The following NOX4 variants were observed in gnomAD, a reference collection of about 807,000 sequenced individuals.
NOX4 encodes NADPH oxidase 4, also known as kidney oxidase-1.
A neutral mutation model predicts 87.6 loss-of-function variants in NOX4; 69 were observed. The ratio of observed to expected loss-of-function variants is 0.79; its 90% confidence interval spans 0.65 to 0.96. The LOEUF is 0.96. Ranked by LOEUF, NOX4 falls within the 40% of genes least tolerant of loss-of-function variation. NOX4 has a pLI of 0.00. For missense variants in NOX4, 680 were observed against 681.5 expected, an observed-to-expected ratio of 1.00 and a Z score of 0.02; for synonymous variants, 275 against 238.2, an observed-to-expected ratio of 1.15 and a Z score of -1.42.
At chr11:89,467,144 C>T (rs1016471408) in intron 2 of NOX4, among the ~76,000 whole-genome samples, 8 of 151,600 alleles carry the variant, frequency 5.3e-5, no homozygotes, top group Admixed American at 2.6e-4. Context: ...ATCAGGAGAT[C>T]GAGACCATGC....
intron 8 of NOX4, among the ~76,000 whole-genome samples, chr11:89,405,971 C>T (rs1942157005): frequency 6.6e-6 from 1 of 152,034 alleles, no homozygotes; most frequent in South Asian, 2.1e-4. Flanking sequence ...CCAATGTATA[C>T]ATTGAGCAAA....
chr11:89,343,826 T>G (rs1446897593), intron 13 of NOX4, among the ~76,000 whole-genome samples: 1 of 152,118 alleles, frequency 6.6e-6, no homozygotes, highest in Non-Finnish European at 1.5e-5. Flanking sequence ...TGTTGATAAC[T>G]AATGAAAAGA....
chr11:89,464,837 A>T (rs180933570), intron 2 of NOX4, among the ~76,000 whole-genome samples: 201 of 152,360 alleles, frequency 1.3e-3, no homozygotes, highest in Non-Finnish European at 2.4e-3. Flanking sequence ...AGTTTTTGTT[A>T]TGAACTAAAT....
At chr11:89,563,416 A>C in the NOX4 span, among the ~76,000 whole-genome samples, 5 of 152,206 alleles carry the variant, frequency 3.3e-5, no homozygotes, top group South Asian at 2.1e-4. Context: ...CTACATTCCG[A>C]ACCTGGGAAG....
chr11:89,542,366 T>C, the NOX4 span, among the ~76,000 whole-genome samples: 1 of 152,228 alleles, frequency 6.6e-6, no homozygotes, highest in Non-Finnish European at 1.5e-5. Context: ...ATCATTCAGA[T>C]ACCTCAGGGC....
the NOX4 span, among the ~76,000 whole-genome samples, chr11:89,567,801 C>T: frequency 6.6e-6 from 1 of 152,180 alleles, no homozygotes; most frequent in African/African-American, 2.4e-5. Context: ...CAGATGCATG[C>T]ATGTGGAACT....
intron 8 of NOX4, among the ~76,000 whole-genome samples, chr11:89,416,343 G>A (rs1370683711): frequency 6.6e-6 from 1 of 152,128 alleles, no homozygotes; most frequent in African/African-American, 2.4e-5. Context: ...CTTTCTAAGA[G>A]GAGCAAGTGC....
intron 3 of NOX4, among the ~76,000 whole-genome samples, chr11:89,451,069 G>C (rs552366614): frequency 1.6e-5 from 2 of 127,524 alleles, no homozygotes; most frequent in South Asian, 3.1e-4. Flanking sequence ...GTTGTGGGGT[G>C]GGGGGAGGGG....
At chr11:89,521,251 C>T in the NOX4 span, among the ~76,000 whole-genome samples, 5 of 151,924 alleles carry the variant, frequency 3.3e-5, no homozygotes, top group Non-Finnish European at 7.4e-5. Flanking sequence ...AGAACAAAGC[C>T]AAAGGCATCA....
chr11:89,431,334 CA>C (rs1224347281), intron 7 of NOX4, among the ~76,000 whole-genome samples: 13 of 152,026 alleles, frequency 8.6e-5, no homozygotes, highest in Admixed American at 2.0e-4. Context: ...GCAATGGCAA[CA>C]AAAGCCAAAA....
chr11:89,517,265 G>A, the NOX4 span, among the ~76,000 whole-genome samples: 1 of 151,960 alleles, frequency 6.6e-6, no homozygotes. Context: ...TAAAAGTAAT[G>A]TAAAATGTCC....
At chr11:89,509,137 G>T in the NOX4 span, among the ~76,000 whole-genome samples, 2,262 of 152,054 alleles carry the variant, frequency 0.015, 47 homozygotes, top group African/African-American at 0.047. Context: ...CAATATACTT[G>T]TAAATAATAA....
chr11:89,521,694 A>G, the NOX4 span, among the ~76,000 whole-genome samples: 1 of 152,170 alleles, frequency 6.6e-6, no homozygotes, highest in African/African-American at 2.4e-5. Flanking sequence ...ACCTAATTAA[A>G]CAAAAGAGTT....
chr11:89,434,497 G>C (rs1216665602), intron 6 of NOX4, among the ~76,000 whole-genome samples: 2 of 151,882 alleles, frequency 1.3e-5, no homozygotes, highest in Non-Finnish European at 2.9e-5. Context: ...AGTTGTAAGA[G>C]ATGGGTAAGA....
intron 11 of NOX4, among the ~76,000 whole-genome samples, chr11:89,391,911 T>TTTTTCC (rs1173473808): frequency 6.6e-6 from 1 of 151,362 alleles, no homozygotes; most frequent in African/African-American, 2.4e-5. Flanking sequence ...CTCTCCTTCC[T>TTTTTCC]TTTTCCTTTT....
intron 3 of NOX4, among the ~76,000 whole-genome samples, chr11:89,450,394 C>T (rs934567535): frequency 2.0e-5 from 3 of 152,112 alleles, no homozygotes; most frequent in Admixed American, 6.6e-5. Context: ...ATCTATCCAG[C>T]GGTGCTTTGC....
At chr11:89,362,043 CCCA>C (rs1565197561) in intron 12 of NOX4, among the ~76,000 whole-genome samples, 1 of 152,080 alleles carries the variant, frequency 6.6e-6, no homozygotes, top group African/African-American at 2.4e-5. Context: ...TCTAGTTCTT[CCCA>C]CCAATTTGGC....
chr11:89,446,231 C>T (rs1944696631), intron 4 of NOX4, among the ~76,000 whole-genome samples: 1 of 152,058 alleles, frequency 6.6e-6, no homozygotes, highest in Non-Finnish European at 1.5e-5. Flanking sequence ...TGAGATTGCA[C>T]AGCAACAGAA....
chr11:89,497,878 C>G (rs376382915), intron 1 of NOX4: 1 of 152,118 alleles, frequency 6.6e-6, no homozygotes. Flanking sequence ...CTGACAGTTT[C>G]TTTTTTACAC....
Sources: allele counts gnomAD v4.1 joint callset (sites outside exome capture counted in the v4.1 genomes callset), GRCh38; gene constraint gnomAD v4.1.1; transcripts MANE v1.5; gene names NCBI Gene and HGNC (gene_info 2026-07-23, HGNC 2026-07-21).